Variants in UBR3 observed in about 807,000 individuals in gnomAD.
The protein encoded by UBR3 is E3 ubiquitin-protein ligase UBR3.
In UBR3, 85 loss-of-function variants were observed where a neutral mutation model predicts 243.2. The observed-to-expected ratio is 0.35, with a 90% confidence interval of 0.29 to 0.42. The LOEUF (loss-of-function observed/expected upper bound fraction) is 0.42, where lower values mean the gene tolerates loss of function less well. Among genes scored for constraint, UBR3 ranks in the 10% least tolerant of loss-of-function variants. The probability of loss-of-function intolerance (pLI) is 1.00; values close to 1 mark genes in which losing one functional copy is unlikely to be tolerated. For synonymous variants in UBR3, 748 were observed against 799.8 expected, an observed-to-expected ratio of 0.94 and a Z score of 1.09; for missense variants, 1,686 against 2,300.8, an observed-to-expected ratio of 0.73 and a Z score of 5.47.
chr2:169,842,337 C>T lies in UBR3; in HGVS notation c.545+14285C>T, dbSNP rs376808084. Among the ~76,000 whole-genome samples, 59 of 152,162 alleles carry T rather than the reference C, an allele frequency of 3.9e-4. No homozygotes were observed. The South Asian group carries it at 7.5e-3, about 19-fold the overall frequency. On this transcript the variant is annotated intron_variant, in intron 1 of 38. Coordinates refer to ENST00000272793, the MANE Select transcript of UBR3 (RefSeq NM_172070.4). Reference sequence around the variant, plus strand: ...TTGTATCTAGCTCAGGGATTGTAAACGCACCAATCAGCGCCCTGACAAAAC... The same window carrying T: ...TTGTATCTAGCTCAGGGATTGTAAATGCACCAATCAGCGCCCTGACAAAAC...
chr2:169,877,529 G>A lies in UBR3; in HGVS notation c.880G>A (p.Glu294Lys). The A allele has an allele frequency of 6.5e-7, 1 of 1,542,864 alleles. No individual in the cohort carries two copies. The highest frequency in any genetic ancestry group is 8.7e-7 in the Non-Finnish European group (1 of 1,145,184). The change falls in exon 4 of 39, where the codon GAA (glutamate) becomes AAA (lysine). Residue 294 changes from glutamate to lysine, a missense_variant. Glu to Lys is a moderately conservative substitution (Grantham distance 56). Transcript: ENST00000272793. ...AAATGCTTGTGTAAAGAAAAGTCAT[G>A]AAAAGTACCTTATAGCTTTAAAGAG... ...GENACVKKSH[E>K]KYLIALKSSG...
chr2:169,883,548 TA>T (rs1272040287), intron 5 of UBR3, among the ~76,000 whole-genome samples: 1 of 152,234 alleles, frequency 6.6e-6, no homozygotes, highest in Non-Finnish European at 1.5e-5. Context: ...AAACATGTTT[TA>T]AAACTTCCAC....
At chr2:170,062,278 A>G (rs1386358362) in intron 35 of UBR3, among the ~76,000 whole-genome samples, 2 of 152,176 alleles carry the variant, frequency 1.3e-5, no homozygotes, top group Non-Finnish European at 2.9e-5. Flanking sequence ...TGCTTATAGG[A>G]ATGTGATCCT....
Position 170,038,761 on chromosome 2 carries a change from C to T in UBR3, c.4557-2121C>T, listed in dbSNP as rs147839590. On this transcript the variant is annotated intron_variant, in intron 31 of 38. Coordinates refer to ENST00000272793, the MANE Select transcript of UBR3 (RefSeq NM_172070.4). ...CAGGCATTGTATAAATGCAGGAGGA[C>T]GTAAGAAATAAGCCACATCAGAACT... 2.9e-3 allele frequency among the ~76,000 whole-genome samples: 441 copies of T among 151,950 alleles called. 2 individuals are homozygous for T. Among genetic ancestry groups the T allele is most frequent in the African/African-American group, 0.01 (415 of 41,432 alleles).
intron 24 of UBR3, among the ~76,000 whole-genome samples, chr2:169,986,221 A>G (rs931794989): frequency 8.5e-5 from 13 of 152,200 alleles, no homozygotes; most frequent in African/African-American, 3.1e-4. Context: ...TTTATATTCT[A>G]GTAAATACTA....
intron 1 of UBR3, among the ~76,000 whole-genome samples, chr2:169,841,706 C>A (rs1052697132): frequency 6.6e-6 from 1 of 152,202 alleles, no homozygotes; most frequent in African/African-American, 2.4e-5. Flanking sequence ...GTACTGAGTC[C>A]CCCAGCAGTG....
intron 2 of UBR3, among the ~76,000 whole-genome samples, chr2:169,873,483 C>CA (rs1181930625): frequency 2.6e-5 from 4 of 152,024 alleles, no homozygotes; most frequent in Admixed American, 6.6e-5. Context: ...ACCAGCTAGA[C>CA]AACATAGAGA....
At chr2:169,845,221 G>T (rs1372424736) in intron 1 of UBR3, among the ~76,000 whole-genome samples, 1 of 151,908 alleles carries the variant, frequency 6.6e-6, no homozygotes, top group Admixed American at 6.6e-5. Context: ...TCAGGAGCTG[G>T]AGACCAGCCT....
chr2:169,964,167 G>A (rs2087704825), intron 24 of UBR3, among the ~76,000 whole-genome samples: 1 of 151,930 alleles, frequency 6.6e-6, no homozygotes, highest in East Asian at 1.9e-4. Context: ...ATTTTAAATT[G>A]TTTACAGATT....
intron 20 of UBR3, among the ~76,000 whole-genome samples, chr2:169,944,499 A>G (rs1040982469): frequency 6.6e-6 from 1 of 152,190 alleles, no homozygotes; most frequent in African/African-American, 2.4e-5. Context: ...TTACAAGACT[A>G]TTATAAATGA....
chr2:169,932,767 C>T (rs2086184509), intron 18 of UBR3, 145 bp from the exon 19 acceptor site: 1 of 620,930 alleles, frequency 1.6e-6, no homozygotes, highest in East Asian at 3.5e-5. Flanking sequence ...GTAATCATGG[C>T]ATCAAGCTTC....
chr2:169,926,068 G>A (rs1559100535), intron 14 of UBR3, among the ~76,000 whole-genome samples: 1 of 152,198 alleles, frequency 6.6e-6, no homozygotes, highest in Non-Finnish European at 1.5e-5. Flanking sequence ...TTGAGGCATA[G>A]GGGCTGTATC....
At position 169,925,758 on chromosome 2, in the gene UBR3, T is replaced by A. The variant is rs1209380119; in HGVS notation, c.2151+11T>A. Reference sequence around the variant, plus strand: ...ATTTACCTGTTACAGGTAAGCCAGCTAGATAATGCAGATATACTTTAGAAG... The same window carrying A: ...ATTTACCTGTTACAGGTAAGCCAGCAAGATAATGCAGATATACTTTAGAAG... On this transcript the variant is annotated intron_variant, in intron 14 of 38. Transcript: ENST00000272793. 1.3e-6 allele frequency: 2 copies of A among 1,540,648 alleles called. No homozygotes were observed. The highest frequency in any genetic ancestry group is 2.1e-5 in the Admixed American group (1 of 48,740).
At chr2:169,942,460 T>C (rs1172763759) in intron 19 of UBR3, 33 bp from the exon 20 acceptor site, 2 of 1,517,516 alleles carry the variant, frequency 1.3e-6, no homozygotes, top group Non-Finnish European at 1.8e-6. Context: ...TTTGAGGCTA[T>C]CATCTAATTC....
chr2:170,028,962 T>C (rs1431177724), intron 30 of UBR3, among the ~76,000 whole-genome samples: 2 of 151,952 alleles, frequency 1.3e-5, no homozygotes, highest in African/African-American at 4.8e-5. Flanking sequence ...TATTAGGATG[T>C]TGTGGTTCAT....
At chr2:169,887,606 C>T (rs73011766) in intron 5 of UBR3, among the ~76,000 whole-genome samples, 6,631 of 152,198 alleles carry the variant, frequency 0.044, 167 homozygotes, top group Middle Eastern at 0.068. Context: ...GGAAATCAGA[C>T]TTGTATTTTA....
chr2:169,871,381 A>G (rs1195775155), intron 1 of UBR3, among the ~76,000 whole-genome samples: 2 of 151,384 alleles, frequency 1.3e-5, no homozygotes, highest in Non-Finnish European at 2.9e-5. Flanking sequence ...TCCAGGATGC[A>G]TGTGAGTGAC....
intron 1 of UBR3, among the ~76,000 whole-genome samples, chr2:169,871,124 A>G (rs2083424677): frequency 6.6e-6 from 1 of 152,200 alleles, no homozygotes; most frequent in African/African-American, 2.4e-5. Flanking sequence ...TTGGTCACAG[A>G]ATAACTTATT....
At chr2:169,918,460 T>C (rs1371416438) in intron 11 of UBR3, among the ~76,000 whole-genome samples, 3 of 151,824 alleles carry the variant, frequency 2.0e-5, no homozygotes, top group Admixed American at 6.6e-5. Flanking sequence ...GAAGTTATTA[T>C]GGTAATCTAG....
Sources: gnomAD v4.1 joint callset for allele counts (sites outside exome capture counted in the v4.1 genomes callset) on GRCh38, gnomAD v4.1.1 for gene constraint, MANE v1.5 for transcripts, NCBI Gene and HGNC (gene_info 2026-07-23, HGNC 2026-07-21) for gene names.